Variants in PKHD1 observed in about 807,000 individuals in gnomAD.
PKHD1 encodes PKHD1 ciliary IPT domain containing fibrocystin/polyductin, also known as fibrocystin.
A neutral mutation model predicts 412.0 loss-of-function variants in PKHD1; 291 were observed. The ratio of observed to expected loss-of-function variants is 0.71; its 90% confidence interval spans 0.64 to 0.78. PKHD1 has a LOEUF of 0.78. Among genes scored for constraint, PKHD1 ranks in the 30% least tolerant of loss-of-function variants. The pLI is 0.00. For missense variants in PKHD1, 4,825 were observed against 4,950.7 expected (o/e 0.97, Z 0.76); for synonymous variants, 1,777 against 1,821.5 (o/e 0.98, Z 0.62).
chr6:52,032,073 TACAC>T (rs1487882462), intron 29 of PKHD1, among the ~76,000 whole-genome samples: 4 of 152,236 alleles, frequency 2.6e-5, no homozygotes, highest in African/African-American at 9.6e-5. Flanking sequence ...TAAGGAATTT[TACAC>T]ACTTCAGTCA....
chr6:51,618,820 A>C lies in PKHD1; in HGVS notation c.*261T>G, dbSNP rs1561966631. 3 of 507,642 alleles carry C rather than the reference A, an allele frequency of 5.9e-6. No individual in the cohort carries two copies. The highest frequency in any genetic ancestry group is 7.1e-6 in the Non-Finnish European group (2 of 280,508). 31.4% of individuals were successfully genotyped at this position (507,642 alleles called of 1,614,324 possible). A position where few individuals can be genotyped will look rare whatever the true frequency, so the allele number is the denominator to read the frequency against. The stretch of plus-strand genomic sequence containing the variant: ...GTTGTTAAAATCAGGCTTAAGTTAA[A>C]AACTGGTAAATAATTAACAAGTGCC... On this transcript the variant is annotated 3_prime_UTR_variant, in exon 67 of 67. Transcript: ENST00000371117.
chr6:51,701,334 A>G (rs184823957), intron 60 of PKHD1, among the ~76,000 whole-genome samples: 9 of 152,260 alleles, frequency 5.9e-5, no homozygotes, highest in Non-Finnish European at 1.2e-4. Flanking sequence ...AGAATCTCTT[A>G]GGCTGCTTGA....
chr6:51,958,117 T>C (rs1197446882), intron 36 of PKHD1, among the ~76,000 whole-genome samples: 1 of 152,090 alleles, frequency 6.6e-6, no homozygotes. Context: ...GATAAAAACC[T>C]CAGCGTTTCA....
At position 52,025,152 on chromosome 6, in the gene PKHD1, A is replaced by G. The variant is rs145528667; in HGVS notation, c.4658T>C (p.Phe1553Ser). The G allele has an allele frequency of 6.2e-7, 1 of 1,614,192 alleles. No homozygotes were observed. Among genetic ancestry groups the G allele is most frequent in the Non-Finnish European group, 8.5e-7 (1 of 1,180,028 alleles). Residue 1553 changes from phenylalanine (F) to serine (S), a missense_variant, in exon 32 of 67, where the codon TTT (phenylalanine) becomes TCT (serine). Physicochemically the swap from Phe to Ser is radical, Grantham distance 155 (BLOSUM62 -2). Transcript: ENST00000371117. ...ACAAGCATACCCATTTCTTGTATAAAAAACTGACAGGTAGTGGGGTCCTGG... is the reference window on the plus strand; with the variant it reads ...ACAAGCATACCCATTTCTTGTATAAGAAACTGACAGGTAGTGGGGTCCTGG... ...LAPGPHYLSV[F>S]YTRNGYACSG...
chr6:52,021,557 C>T (rs903949072), intron 33 of PKHD1, among the ~76,000 whole-genome samples: 1 of 152,180 alleles, frequency 6.6e-6, no homozygotes, highest in African/African-American at 2.4e-5. Flanking sequence ...ATACCCTCTG[C>T]AACACTGTTC....
intron 43 of PKHD1, among the ~76,000 whole-genome samples, chr6:51,899,367 C>G (rs1461630949): frequency 6.6e-6 from 1 of 151,790 alleles, no homozygotes; most frequent in East Asian, 1.9e-4. Flanking sequence ...TCAATATACG[C>G]AAATCAATAA....
chr6:52,001,432 CTTT>C (rs781084036), intron 35 of PKHD1, among the ~76,000 whole-genome samples: 5 of 140,204 alleles, frequency 3.6e-5, no homozygotes, highest in Admixed American at 7.2e-5. Flanking sequence ...GAATTTCTTC[CTTT>C]TTTTTTTTTT....
At position 51,847,766 on chromosome 6, in the gene PKHD1, G is replaced by T. The variant is rs1209995016; in HGVS notation, c.8107+9C>A. ...TGCTCTCAAAACATTCATCCAATTG[G>T]ATACTTACCCAGATAGGTGAGTTGC... On this transcript the variant is annotated intron_variant, in intron 50 of 66. Coordinates refer to ENST00000371117, the MANE Select transcript of PKHD1 (RefSeq NM_138694.4). The T allele has an allele frequency of 6.3e-7, 1 of 1,588,022 alleles. No individual in the cohort carries two copies. The highest frequency in any genetic ancestry group is 2.2e-5 in the East Asian group (1 of 44,744).
At chr6:52,008,241 T>A (rs1026062274) in intron 35 of PKHD1, among the ~76,000 whole-genome samples, 2 of 152,212 alleles carry the variant, frequency 1.3e-5, no homozygotes, top group Non-Finnish European at 2.9e-5. Context: ...GTGACCTTTA[T>A]CAACCACCCC....
intron 65 of PKHD1, among the ~76,000 whole-genome samples, chr6:51,629,663 T>C (rs1236246517): frequency 6.6e-6 from 1 of 152,162 alleles, no homozygotes; most frequent in African/African-American, 2.4e-5. Context: ...GAAAATTAAA[T>C]TTTATTTAAA....
chr6:51,786,979 T>C (rs577135639), intron 53 of PKHD1, among the ~76,000 whole-genome samples: 1 of 152,322 alleles, frequency 6.6e-6, no homozygotes, highest in Non-Finnish European at 1.5e-5. Context: ...AAAGCTTTGA[T>C]CTTGAGCTTC....
intron 35 of PKHD1, among the ~76,000 whole-genome samples, chr6:51,990,732 C>A (rs1796953682): frequency 6.6e-6 from 1 of 151,574 alleles, no homozygotes; most frequent in Admixed American, 6.6e-5. Context: ...TTTCCCATCT[C>A]TCTCTCTCTC....
intron 35 of PKHD1, among the ~76,000 whole-genome samples, chr6:51,983,048 T>C (rs1189719959): frequency 6.6e-6 from 1 of 151,916 alleles, no homozygotes; most frequent in Non-Finnish European, 1.5e-5. Flanking sequence ...CACAGTGAAG[T>C]GTACCGTTAA....
In PKHD1 at chr6:52,025,704, C is replaced by CG. The variant is rs1581810497; in HGVS notation, c.4105dup (p.Arg1369ProfsTer9). ...ATTAGCAAATCCCATCTGCTTCTGA[C>CG]GTACTTGGAGAGGATAGATGCCAGC... On this transcript the variant is annotated frameshift_variant, in exon 32 of 67. Coordinates refer to ENST00000371117, the MANE Select transcript of PKHD1 (RefSeq NM_138694.4). LOFTEE classifies it high-confidence loss of function. 1 of 1,614,186 alleles carries CG rather than the reference C, an allele frequency of 6.2e-7. No individual in the cohort carries two copies. Among genetic ancestry groups the CG allele is most frequent in the Admixed American group, 1.7e-5 (1 of 60,028 alleles).
At chr6:51,699,814 C>T (rs994888084) in intron 60 of PKHD1, among the ~76,000 whole-genome samples, 1 of 151,678 alleles carries the variant, frequency 6.6e-6, no homozygotes, top group South Asian at 2.1e-4. Context: ...TGGGCTATTA[C>T]GAAGATCAGA....
At chr6:51,821,450 T>C (rs1766407355) in intron 52 of PKHD1, among the ~76,000 whole-genome samples, 1 of 152,226 alleles carries the variant, frequency 6.6e-6, no homozygotes, top group Non-Finnish European at 1.5e-5. Flanking sequence ...CTGATATTTA[T>C]GTCTCCAAAT....
chr6:52,063,726 C>T (rs1046630330), intron 13 of PKHD1, among the ~76,000 whole-genome samples: 10 of 152,240 alleles, frequency 6.6e-5, no homozygotes, highest in Non-Finnish European at 1.5e-4. Context: ...ACCACCACCA[C>T]TTCCGGTCTA....
In PKHD1 at chr6:51,830,949, G is replaced by A. The variant is rs776139279; in HGVS notation, c.8214C>T (p.Leu2738=). The change falls in exon 52 of 67, where the codon CTC becomes CTT. Residue 2738 remains leucine (L), a synonymous_variant. Transcript: ENST00000371117. The part of the protein sequence containing the change: ...SAPESALKWS[L]PETWQGVEEG... ...CTTCAACACCTTGCCATGTTTCAGG[G>A]AGGGACCATTTTAAAGCTGATTCAG... 1.2e-6 allele frequency: 2 copies of A among 1,612,342 alleles called. No homozygotes were observed. The highest frequency in any genetic ancestry group is 1.1e-5 in the South Asian group (1 of 91,058).
chr6:52,052,297 C>T (rs1025961994), intron 21 of PKHD1, among the ~76,000 whole-genome samples: 21 of 152,116 alleles, frequency 1.4e-4, no homozygotes, highest in African/African-American at 5.1e-4. Flanking sequence ...TGGCTGTGGG[C>T]GCACATCACA....
Sources: allele counts gnomAD v4.1 joint callset (sites outside exome capture counted in the v4.1 genomes callset), GRCh38; gene constraint gnomAD v4.1.1; transcripts MANE v1.5; gene names NCBI Gene and HGNC (gene_info 2026-07-23, HGNC 2026-07-21).